The following TOX variants were observed in gnomAD, a reference collection of about 807,000 sequenced individuals.
TOX encodes thymocyte selection associated high mobility group box.
TOX carries 11 observed loss-of-function variants against 53.7 expected under a neutral mutation model. That is an observed-to-expected ratio of 0.20 (90% CI 0.13 to 0.34). TOX has a LOEUF of 0.34. Among genes scored for constraint, TOX ranks in the 10% least tolerant of loss-of-function variants. The pLI, the probability that TOX is intolerant of heterozygous loss-of-function variation, is 1.00. For missense variants in TOX, 570 were observed against 664.6 expected (o/e 0.86, Z 1.56); for synonymous variants, 225 against 245.3 (o/e 0.92, Z 0.77).
At chr8:58,994,227 C>G (rs895494598) in intron 1 of TOX, among the ~76,000 whole-genome samples, 1 of 151,986 alleles carries the variant, frequency 6.6e-6, no homozygotes, top group South Asian at 2.1e-4. Context: ...AGAGAGGAGA[C>G]GGACTCAGAG....
At chr8:58,883,079 T>C (rs942995302) in intron 3 of TOX, among the ~76,000 whole-genome samples, 2 of 152,238 alleles carry the variant, frequency 1.3e-5, no homozygotes, top group Non-Finnish European at 1.5e-5. Context: ...CTCAGTGATA[T>C]GTGTCCTAAT....
rs185904031 is a variant in TOX, at chr8:58,835,128, A to C, written c.924+2953T>G. ...ACTGCTTTATGATACCAAATGATTT[A>C]TATAAGTCAACTATTATATAATTTT... is the stretch of plus-strand genomic sequence containing the variant. On this transcript the variant is annotated intron_variant, in intron 5 of 8. Transcript: ENST00000361421. Among the ~76,000 whole-genome samples the C allele has an allele frequency of 1.4e-3, 217 of 152,342 alleles. 2 individuals carry two copies. The highest frequency in any genetic ancestry group is 7.7e-3 in the South Asian group (37 of 4,830).
intron 1 of TOX, among the ~76,000 whole-genome samples, chr8:59,032,272 C>T (rs563075095): frequency 4.1e-4 from 62 of 152,284 alleles, no homozygotes; most frequent in Admixed American, 1.2e-3. Context: ...AGTTCTCTTA[C>T]GGCCACTTTA....
At chr8:58,965,879 AGATTAC>A (rs1382887097) in intron 1 of TOX, among the ~76,000 whole-genome samples, 1 of 140,260 alleles carries the variant, frequency 7.1e-6, no homozygotes, top group East Asian at 2.1e-4. Context: ...GCCCAGTATA[AGATTAC>A]GAGTCATCGT....
intron 2 of TOX, 44 bp from the exon 3 acceptor site, chr8:58,939,588 T>C: frequency 6.4e-7 from 1 of 1,566,196 alleles, no homozygotes; most frequent in South Asian, 1.2e-5. Context: ...TATCATCTTC[T>C]TGCTCTTCAT....
intron 1 of TOX, among the ~76,000 whole-genome samples, chr8:59,067,230 T>C (rs926532404): frequency 6.6e-6 from 1 of 152,168 alleles, no homozygotes; most frequent in African/African-American, 2.4e-5. Flanking sequence ...ATCTTAAAGA[T>C]GTGCTTAAAC....
At chr8:58,972,555 C>A (rs145635670) in intron 1 of TOX, among the ~76,000 whole-genome samples, 3 of 152,092 alleles carry the variant, frequency 2.0e-5, no homozygotes, top group Admixed American at 1.3e-4. Flanking sequence ...GTATCCATAG[C>A]TTATTAGTTT....
At chr8:58,946,945 ATCT>A (rs1812531835) in intron 2 of TOX, among the ~76,000 whole-genome samples, 1 of 152,176 alleles carries the variant, frequency 6.6e-6, no homozygotes, top group Non-Finnish European at 1.5e-5. Context: ...GTGATACTAG[ATCT>A]TCTTTTAGTT....
At chr8:59,053,761 C>A (rs1308512564) in intron 1 of TOX, among the ~76,000 whole-genome samples, 1 of 151,944 alleles carries the variant, frequency 6.6e-6, no homozygotes, top group Non-Finnish European at 1.5e-5. Context: ...ACTCAAATGT[C>A]GAATCTATTT....
chr8:58,983,792 C>T (rs1456466178), intron 1 of TOX, among the ~76,000 whole-genome samples: 1 of 152,126 alleles, frequency 6.6e-6, no homozygotes, highest in East Asian at 1.9e-4. Flanking sequence ...TGGATAAGCC[C>T]AACACTGTAG....
intron 2 of TOX, among the ~76,000 whole-genome samples, chr8:58,944,818 T>C (rs1429212522): frequency 6.6e-6 from 1 of 152,120 alleles, no homozygotes; most frequent in Non-Finnish European, 1.5e-5. Flanking sequence ...AACAAACAAC[T>C]GTAGACAGTA....
At chr8:58,986,744 A>G (rs1388594326) in intron 1 of TOX, among the ~76,000 whole-genome samples, 1 of 152,212 alleles carries the variant, frequency 6.6e-6, no homozygotes, top group Admixed American at 6.5e-5. Flanking sequence ...AAATAAACTG[A>G]ACAATTAGGT....
chr8:59,103,791 A>C (rs1451318664), intron 1 of TOX, among the ~76,000 whole-genome samples: 4 of 152,222 alleles, frequency 2.6e-5, no homozygotes, highest in Non-Finnish European at 1.5e-5. Flanking sequence ...TGTATTTACC[A>C]CTAAGCAAGC....
chr8:59,110,809 C>T (rs993062493), intron 1 of TOX, among the ~76,000 whole-genome samples: 3 of 151,960 alleles, frequency 2.0e-5, no homozygotes, highest in Non-Finnish European at 4.4e-5. Context: ...TCCCAATTCA[C>T]CTTTGACTCT....
intron 1 of TOX, among the ~76,000 whole-genome samples, chr8:59,021,499 T>TAC (rs1554539851): frequency 4.3e-4 from 47 of 109,632 alleles, no homozygotes; most frequent in Middle Eastern, 9.1e-3. Context: ...TATATATATA[T>TAC]GCACATATAT....
At chr8:59,073,094 C>T (rs1420888727) in intron 1 of TOX, among the ~76,000 whole-genome samples, 1 of 152,110 alleles carries the variant, frequency 6.6e-6, no homozygotes, top group Non-Finnish European at 1.5e-5. Flanking sequence ...CCAATCTCCA[C>T]CCCCAACACA....
In TOX at chr8:58,842,254, G is replaced by A. The variant is rs574697477; in HGVS notation, c.694-3943C>T. ...GGGGTGAGTCAGCAGACTGCGTGGG[G>A]AAGACAGACCCTCAGTGTGGCCAGC... On this transcript the variant is annotated intron_variant, in intron 4 of 8. Coordinates refer to ENST00000361421, the MANE Select transcript of TOX (RefSeq NM_014729.3). Among the ~76,000 whole-genome samples the A allele has an allele frequency of 5.9e-5, 9 of 152,222 alleles. No individual in the cohort carries two copies. The South Asian group carries it at 1.7e-3, about 28-fold the overall frequency.
At chr8:58,987,821 T>C (rs1002111221) in intron 1 of TOX, among the ~76,000 whole-genome samples, 3 of 152,168 alleles carry the variant, frequency 2.0e-5, no homozygotes, top group African/African-American at 7.2e-5. Context: ...GGAAGTGAGG[T>C]TGGCAGATTC....
intron 5 of TOX, among the ~76,000 whole-genome samples, chr8:58,836,657 AT>A (rs1810551493): frequency 1.3e-5 from 2 of 152,156 alleles, no homozygotes; most frequent in Non-Finnish European, 2.9e-5. Context: ...AAAAGAGAGA[AT>A]GGAGGGACCT....
Sources: gnomAD v4.1 joint callset for allele counts (sites outside exome capture counted in the v4.1 genomes callset) on GRCh38, gnomAD v4.1.1 for gene constraint, MANE v1.5 for transcripts, NCBI Gene and HGNC (gene_info 2026-07-23, HGNC 2026-07-21) for gene names.